Variants in ERP44 observed in about 807,000 individuals in gnomAD.
The protein encoded by ERP44 is endoplasmic reticulum protein 44.
In ERP44, 25 loss-of-function variants were observed where a neutral mutation model predicts 53.4. That is an observed-to-expected ratio of 0.47 (90% CI 0.34 to 0.65). The LOEUF is 0.65. ERP44 is among the 30% of genes least tolerant of loss of function. The pLI is 0.01. For synonymous variants in ERP44, 145 were observed against 161.2 expected (o/e 0.90, Z 0.76); for missense variants, 338 against 493.2 (o/e 0.69, Z 2.98).
intron 10 of ERP44, among the ~76,000 whole-genome samples, chr9:99,997,279 C>G (rs1830321817): frequency 6.6e-6 from 1 of 152,172 alleles, no homozygotes; most frequent in Non-Finnish European, 1.5e-5. Flanking sequence ...GTTGCCTGAT[C>G]ACCACATCCA....
intron 1 of ERP44, among the ~76,000 whole-genome samples, chr9:100,070,571 C>T (rs561257303): frequency 6.6e-6 from 1 of 152,358 alleles, no homozygotes; most frequent in South Asian, 2.1e-4. Context: ...TGTATCCACA[C>T]TGTTACTGAA....
intron 3 of ERP44, among the ~76,000 whole-genome samples, chr9:100,053,727 G>A (rs1336547708): frequency 6.6e-6 from 1 of 152,138 alleles, no homozygotes; most frequent in Admixed American, 6.5e-5. Flanking sequence ...CTATGTTCTA[G>A]GTAATTAAAG....
intron 5 of ERP44, among the ~76,000 whole-genome samples, chr9:100,021,631 A>T (rs1830590860): frequency 6.6e-6 from 1 of 152,196 alleles, no homozygotes; most frequent in African/African-American, 2.4e-5. Flanking sequence ...GGGTGTGCTA[A>T]ACTTATTATT....
intron 1 of ERP44, among the ~76,000 whole-genome samples, chr9:100,082,795 T>C (rs1826441907): frequency 6.6e-6 from 1 of 151,066 alleles, no homozygotes; most frequent in African/African-American, 2.4e-5. Flanking sequence ...ATCCATGCAG[T>C]TCAAACCTAT....
chr9:100,034,293 C>G (rs993382266), intron 4 of ERP44, among the ~76,000 whole-genome samples: 9 of 152,176 alleles, frequency 5.9e-5, no homozygotes, highest in African/African-American at 1.9e-4. Flanking sequence ...CATTATCATG[C>G]TAAAAAACAA....
intron 1 of ERP44, among the ~76,000 whole-genome samples, chr9:100,084,247 T>C (rs1274478894): frequency 6.6e-6 from 1 of 152,222 alleles, no homozygotes; most frequent in African/African-American, 2.4e-5. Context: ...ATAATCTTTC[T>C]AACTACAAAC....
chr9:100,027,971 T>G (rs1830671070), intron 4 of ERP44, among the ~76,000 whole-genome samples: 1 of 152,082 alleles, frequency 6.6e-6, no homozygotes, highest in Non-Finnish European at 1.5e-5. Flanking sequence ...AGAAAACTAA[T>G]AAGCAAAGCC....
chr9:99,980,299 A>G lies in ERP44; in HGVS notation c.*2313T>C. ...TTTATTCAGCTTTACATCTTTCATC[A>G]TATACTACAGCACCAAAAAACTTGC... On this transcript the variant is annotated 3_prime_UTR_variant, in exon 12 of 12. Coordinates refer to ENST00000262455, the MANE Select transcript of ERP44 (RefSeq NM_015051.3). The G allele has an allele frequency of 8.2e-6, 3 of 364,148 alleles. No individual in the cohort carries two copies. The highest frequency in any genetic ancestry group is 1.5e-5 in the Non-Finnish European group (3 of 204,618). The allele number at this position is 364,148 out of a possible 1,614,324, so 22.6% of individuals were successfully genotyped here. A position where few individuals can be genotyped will look rare whatever the true frequency, so the allele number is the denominator to read the frequency against.
Position 100,043,249 on chromosome 9 carries a change from ACT to A in ERP44, c.286+9166_286+9167del, listed in dbSNP as rs1276314386. Among the ~76,000 whole-genome samples, 5 of 110,796 alleles carry A rather than the reference ACT, an allele frequency of 4.5e-5. No individual in the cohort carries two copies. In the Admixed American group the frequency reaches 5.2e-4, roughly 11 times the overall value. 72.7% of individuals were successfully genotyped at this position (110,796 alleles called of 152,430 possible). The stretch of plus-strand genomic sequence containing the variant: ...ACTCCAGCCTGGGCAACAGAGCGAG[ACT>A]CTGTCTCAAAAAAAAAAAAAAAAAA... On this transcript the variant is annotated intron_variant, in intron 4 of 11. Transcript: ENST00000262455.
At chr9:100,014,645 A>T (rs1220928760) in intron 8 of ERP44, among the ~76,000 whole-genome samples, 3 of 152,232 alleles carry the variant, frequency 2.0e-5, no homozygotes, top group African/African-American at 7.2e-5. Context: ...ACAGCATGTG[A>T]AAATTATTTG....
chr9:100,021,107 C>G (rs1376666246), intron 5 of ERP44, among the ~76,000 whole-genome samples: 4 of 152,204 alleles, frequency 2.6e-5, no homozygotes, highest in Non-Finnish European at 5.9e-5. Flanking sequence ...TCTCACACTC[C>G]TACCCATCTT....
intron 4 of ERP44, among the ~76,000 whole-genome samples, chr9:100,024,563 C>T (rs1319565690): frequency 6.6e-6 from 1 of 150,500 alleles, no homozygotes; most frequent in Non-Finnish European, 1.5e-5. Context: ...CCTGACTATA[C>T]TTTGGTTTTA....
At chr9:100,057,749 C>T in intron 3 of ERP44, 71 bp downstream of exon 3, 2 of 1,185,586 alleles carry the variant, frequency 1.7e-6, no homozygotes, top group Non-Finnish European at 2.5e-6. Context: ...TTCCCTTCCC[C>T]TTTCTAGCAA....
intron 1 of ERP44, among the ~76,000 whole-genome samples, chr9:100,071,626 T>C (rs1826306229): frequency 6.6e-6 from 1 of 152,128 alleles, no homozygotes; most frequent in African/African-American, 2.4e-5. Context: ...ACTTTAAAGA[T>C]CTGTATTTTT....
chr9:100,038,375 C>A (rs1423317825), intron 4 of ERP44, among the ~76,000 whole-genome samples: 1 of 152,070 alleles, frequency 6.6e-6, no homozygotes, highest in Admixed American at 6.6e-5. Flanking sequence ...TTAAAGTGTA[C>A]AGTTTTTATT....
At chr9:100,008,635 G>T (rs1830442251) in intron 8 of ERP44, among the ~76,000 whole-genome samples, 1 of 152,114 alleles carries the variant, frequency 6.6e-6, no homozygotes, top group Non-Finnish European at 1.5e-5. Context: ...TATTTTACAG[G>T]ATTAAAAGTT....
intron 4 of ERP44, among the ~76,000 whole-genome samples, chr9:100,048,781 G>A (rs1017473957): frequency 2.0e-4 from 30 of 152,192 alleles, no homozygotes; most frequent in African/African-American, 7.2e-4. Flanking sequence ...GACAGATACT[G>A]TATGATTCCA....
chr9:100,015,786 C>T (rs1402696814), intron 8 of ERP44, among the ~76,000 whole-genome samples: 1 of 152,192 alleles, frequency 6.6e-6, no homozygotes, highest in African/African-American at 2.4e-5. Context: ...AACTGTTCCA[C>T]CTCAGATCAT....
At chr9:100,084,390 C>T (rs977090495) in intron 1 of ERP44, among the ~76,000 whole-genome samples, 1 of 152,198 alleles carries the variant, frequency 6.6e-6, no homozygotes, top group Non-Finnish European at 1.5e-5. Flanking sequence ...AACACCATTT[C>T]AGAACCTAAA....
Sources: gnomAD v4.1 joint callset for allele counts (sites outside exome capture counted in the v4.1 genomes callset) on GRCh38, gnomAD v4.1.1 for gene constraint, MANE v1.5 for transcripts, NCBI Gene and HGNC (gene_info 2026-07-23, HGNC 2026-07-21) for gene names.